Variants in CFAP20DC observed in about 807,000 individuals in gnomAD.
The protein encoded by CFAP20DC is CFAP20 domain containing.
Under a neutral mutation model 101.7 loss-of-function variants are expected in CFAP20DC, and 84 were observed. The ratio of observed to expected loss-of-function variants is 0.83; its 90% CI spans 0.69 to 0.99. The LOEUF is 0.99. Among genes scored for constraint, CFAP20DC ranks in the 50% least tolerant of loss-of-function variants. The probability of loss-of-function intolerance (pLI) is 0.00; values close to 1 mark genes in which losing one functional copy is unlikely to be tolerated. For missense variants in CFAP20DC, 1,007 were observed against 970.3 expected (o/e 1.04, Z -0.50); for synonymous variants, 359 against 351.2 (o/e 1.02, Z -0.25).
intron 15 of CFAP20DC, among the ~76,000 whole-genome samples, chr3:58,772,714 T>C (rs1297855000): frequency 6.6e-6 from 1 of 152,092 alleles, no homozygotes; most frequent in Non-Finnish European, 1.5e-5. Flanking sequence ...GCTGAATAAA[T>C]TATGGTACAC....
chr3:58,766,090 C>T (rs928810409), intron 15 of CFAP20DC, among the ~76,000 whole-genome samples: 1 of 152,148 alleles, frequency 6.6e-6, no homozygotes, highest in Non-Finnish European at 1.5e-5. Flanking sequence ...GTGAAAAATC[C>T]ATGCTTTGCA....
chr3:58,943,188 A>G (rs1173581444), intron 4 of CFAP20DC, among the ~76,000 whole-genome samples: 1 of 152,212 alleles, frequency 6.6e-6, no homozygotes, highest in Non-Finnish European at 1.5e-5. Context: ...GGCTCTGAAG[A>G]GAGCAGCAGA....
chr3:58,845,793 C>T (rs1476761448), intron 13 of CFAP20DC, among the ~76,000 whole-genome samples: 1 of 150,294 alleles, frequency 6.7e-6, no homozygotes, highest in African/African-American at 2.4e-5. Context: ...AATCCAGCAG[C>T]ACATCAAAAA....
At chr3:58,862,126 T>C (rs888067337) in intron 12 of CFAP20DC, 14 of 944,884 alleles carry the variant, frequency 1.5e-5, no homozygotes, top group African/African-American at 1.8e-5. Flanking sequence ...ATAATACTTC[T>C]CTCATAGTTT....
intron 14 of CFAP20DC, among the ~76,000 whole-genome samples, chr3:58,812,842 G>C (rs1209164504): frequency 1.3e-5 from 2 of 151,790 alleles, no homozygotes; most frequent in Non-Finnish European, 2.9e-5. Context: ...GGACCTCATA[G>C]CATCTATGAT....
At chr3:58,903,018 T>C (rs1394599807) in intron 6 of CFAP20DC, among the ~76,000 whole-genome samples, 1 of 152,104 alleles carries the variant, frequency 6.6e-6, no homozygotes, top group Non-Finnish European at 1.5e-5. Flanking sequence ...CTAGAATGTT[T>C]TCTCTCTATA....
At chr3:58,789,254 T>C (rs1248480820) in intron 15 of CFAP20DC, among the ~76,000 whole-genome samples, 5 of 152,164 alleles carry the variant, frequency 3.3e-5, no homozygotes, top group Admixed American at 2.0e-4. Flanking sequence ...GAGAGAATAA[T>C]TGCCTTAAAA....
intron 4 of CFAP20DC, among the ~76,000 whole-genome samples, chr3:59,004,423 A>G (rs965657520): frequency 1.4e-4 from 22 of 152,196 alleles, no homozygotes; most frequent in African/African-American, 5.1e-4. Context: ...ATTAATTATT[A>G]TGGTAAGATT....
chr3:58,913,810 C>A lies in CFAP20DC; in HGVS notation c.448G>T (p.Ala150Ser), dbSNP rs2084396677. Reference protein sequence around the residue: ...VAFTSEIFKGAVFQSLDGIVV... With the variant: ...VAFTSEIFKGSVFQSLDGIVV... ...ATTCCATCCAATGACTGGAAAACTG[C>A]CCCCTTGAATATTTCACTGGTGAAT... The change falls in exon 6 of 17, where the codon GCA becomes TCA. Residue 150 changes from alanine (A) to serine (S), a missense_variant. Ala to Ser is a moderately conservative substitution (Grantham distance 99). Coordinates refer to ENST00000482387, the MANE Select transcript of CFAP20DC (RefSeq NM_001394063.1). This position sits in a 1 kb window ranked among gnomAD's most constrained non-coding sequence, Gnocchi z 4.4. The A allele has an allele frequency of 6.2e-7, 1 of 1,613,598 alleles. No individual in the cohort carries two copies. The highest frequency in any genetic ancestry group is 8.5e-7 in the Non-Finnish European group (1 of 1,179,724).
intron 16 of CFAP20DC, among the ~76,000 whole-genome samples, chr3:58,747,706 G>A (rs1380041828): frequency 2.7e-5 from 4 of 149,406 alleles, no homozygotes; most frequent in East Asian, 1.9e-4. Context: ...TAGGATCAAT[G>A]AAGATGACAT....
At chr3:58,754,455 G>C (rs1575555008) in intron 15 of CFAP20DC, among the ~76,000 whole-genome samples, 1 of 152,110 alleles carries the variant, frequency 6.6e-6, no homozygotes, top group Non-Finnish European at 1.5e-5. Context: ...GTAGATACCT[G>C]GGGGGTAGAA....
rs1252162966 is a variant in CFAP20DC, at chr3:59,002,697, A to G, written c.278+36860T>C. On this transcript the variant is annotated intron_variant, in intron 4 of 16. Coordinates refer to ENST00000482387, the MANE Select transcript of CFAP20DC (RefSeq NM_001394063.1). This position sits in a 1 kb window ranked among gnomAD's most constrained non-coding sequence, Gnocchi z 4.5. The stretch of plus-strand genomic sequence containing the variant: ...CAAATCAATGTTCTCAGACTTATCA[A>G]TGAGGATTGGTTCTATTTTTCTTCA... Among the ~76,000 whole-genome samples the G allele has an allele frequency of 6.6e-6, 1 of 152,194 alleles. No individual in the cohort carries two copies.
chr3:58,974,312 G>T (rs115947226), intron 4 of CFAP20DC, among the ~76,000 whole-genome samples: 11 of 152,128 alleles, frequency 7.2e-5, no homozygotes, highest in African/African-American at 2.6e-4. Flanking sequence ...CTTTGTGTCT[G>T]TGTGTACTCA....
rs565953128 is a variant in CFAP20DC, at chr3:58,762,513, A to C, written c.2238-8650T>G. Among the ~76,000 whole-genome samples the C allele has an allele frequency of 2.0e-5, 3 of 152,222 alleles. No individual in the cohort carries two copies. The East Asian group carries it at 5.8e-4, about 29-fold the overall frequency. ...TCCAATTTGCCAGTCTGTGTCTTTT[A>C]ATTGGAGCATTTAGCCCATTTACAT... On this transcript the variant is annotated intron_variant, in intron 15 of 16. Coordinates refer to ENST00000482387, the MANE Select transcript of CFAP20DC (RefSeq NM_001394063.1).
At chr3:58,900,067 A>G (rs2083015241) in intron 6 of CFAP20DC, among the ~76,000 whole-genome samples, 1 of 152,204 alleles carries the variant, frequency 6.6e-6, no homozygotes, top group African/African-American at 2.4e-5. Flanking sequence ...GAGACATTTA[A>G]GTTGAGTCAT....
intron 4 of CFAP20DC, among the ~76,000 whole-genome samples, chr3:58,996,000 A>ATCTATCTATCTG (rs1425899498): frequency 6.6e-6 from 1 of 151,658 alleles, no homozygotes; most frequent in African/African-American, 2.4e-5. Flanking sequence ...CTATCTATCT[A>ATCTATCTATCTG]TCTATCTATC....
intron 13 of CFAP20DC, among the ~76,000 whole-genome samples, chr3:58,838,033 CA>C (rs1470716155): frequency 6.6e-6 from 1 of 152,100 alleles, no homozygotes; most frequent in Non-Finnish European, 1.5e-5. Flanking sequence ...TAACCTGACT[CA>C]TTGGGGATGT....
chr3:58,937,655 C>A lies in CFAP20DC; in HGVS notation c.386G>T (p.Arg129Leu). ...CATTCATGTGATACTTACAATTTTA[C>A]GTTTGATCATGAAGAGTGGAATTTT... ...HAKIPLFMIK[R>L]KIWCNLCIDL... Residue 129 changes from arginine (R) to leucine (L), a missense_variant, in exon 5 of 17, where the codon CGT becomes CTT. Arg to Leu is a moderately radical substitution (Grantham distance 102, BLOSUM62 -2). Transcript: ENST00000482387. The A allele has an allele frequency of 6.3e-7, 1 of 1,580,948 alleles. No homozygotes were observed. The highest frequency in any genetic ancestry group is 8.7e-7 in the Non-Finnish European group (1 of 1,150,292).
chr3:58,785,532 A>T (rs1045289642), intron 15 of CFAP20DC, among the ~76,000 whole-genome samples: 2 of 152,134 alleles, frequency 1.3e-5, no homozygotes, highest in African/African-American at 4.8e-5. Flanking sequence ...ACAAAAGATC[A>T]TATGTACTCC....
Sources: gnomAD v4.1 joint callset for allele counts (sites outside exome capture counted in the v4.1 genomes callset) on GRCh38, gnomAD v4.1.1 for gene constraint, Gnocchi (gnomAD v3.1) non-coding constraint, MANE v1.5 for transcripts, NCBI Gene and HGNC (gene_info 2026-07-23, HGNC 2026-07-21) for gene names.